The following TSGA10 variants were observed in gnomAD, a reference collection of about 807,000 sequenced individuals.
TSGA10 encodes testis-specific gene 10 protein.
TSGA10 carries 43 observed loss-of-function variants against 96.6 expected under a neutral mutation model. The observed-to-expected ratio is 0.44, with a 90% CI of 0.35 to 0.57. The LOEUF (loss-of-function observed/expected upper bound fraction) is 0.57, where lower values mean the gene tolerates loss of function less well. Among genes scored for constraint, TSGA10 ranks in the 20% least tolerant of loss-of-function variants. The probability of loss-of-function intolerance (pLI) is 0.01; values close to 1 mark genes in which losing one functional copy is unlikely to be tolerated. For missense variants in TSGA10, 703 were observed against 834.4 expected (o/e 0.84, Z 1.94); for synonymous variants, 229 against 269.9 (o/e 0.85, Z 1.48).
At chr2:99,024,190 A>T (rs927918925) in intron 17 of TSGA10, among the ~76,000 whole-genome samples, 1 of 152,046 alleles carries the variant, frequency 6.6e-6, no homozygotes. Context: ...CCCTGGTTCA[A>T]GCGATTCTCC....
At chr2:99,125,036 G>A (rs1250979297) in intron 2 of TSGA10, 1 of 152,044 alleles carries the variant, frequency 6.6e-6, no homozygotes, top group Non-Finnish European at 1.5e-5. Flanking sequence ...AAAATCCTGT[G>A]CTCCACCTAT....
intron 1 of TSGA10, among the ~76,000 whole-genome samples, chr2:99,140,544 C>G (rs1481097716): frequency 6.6e-6 from 1 of 151,818 alleles, no homozygotes; most frequent in East Asian, 1.9e-4. Context: ...TCCATGATCA[C>G]CTAGTTATCC....
intron 20 of TSGA10, among the ~76,000 whole-genome samples, chr2:99,007,982 A>G (rs1427478825): frequency 6.6e-6 from 1 of 152,256 alleles, no homozygotes; most frequent in Non-Finnish European, 1.5e-5. Context: ...TTTTAAATCA[A>G]TGATCTTGCA....
intron 16 of TSGA10, among the ~76,000 whole-genome samples, chr2:99,063,278 T>A (rs1222455081): frequency 3.9e-5 from 6 of 152,180 alleles, no homozygotes; most frequent in Non-Finnish European, 7.4e-5. Flanking sequence ...AACTTTTAAA[T>A]GAAAATATAG....
intron 20 of TSGA10, among the ~76,000 whole-genome samples, chr2:98,999,875 A>AG (rs1435428788): frequency 1.4e-4 from 21 of 152,276 alleles, no homozygotes; most frequent in African/African-American, 4.8e-4. Flanking sequence ...CAGCCTACCA[A>AG]GTAGCTAGAA....
chr2:99,103,328 T>G (rs771528091), intron 10 of TSGA10, among the ~76,000 whole-genome samples: 1 of 152,312 alleles, frequency 6.6e-6, no homozygotes, highest in East Asian at 1.9e-4. Context: ...AAATTCAACC[T>G]TACTGAATCT....
In TSGA10 at chr2:99,118,307, C is replaced by T. The variant is rs537414553; in HGVS notation, c.-356+244G>A. Among the ~76,000 whole-genome samples the T allele has an allele frequency of 1.4e-3, 209 of 151,614 alleles. 1 individual carries two copies. Among genetic ancestry groups the T allele is most frequent in the Admixed American group, 0.012 (190 of 15,210 alleles). On this transcript the variant is annotated intron_variant, in intron 3 of 20. Coordinates refer to ENST00000393483, the MANE Select transcript of TSGA10 (RefSeq NM_025244.4). ...CTCTACTAAAAATACAAAAATCAGC[C>T]GGGCATGGTGGCGAGTGCCCGTAGT...
rs930421836 is a variant in TSGA10 at position 99,145,746 on chromosome 2, G to T, written c.-621+8947C>A. Among the ~76,000 whole-genome samples, 4 of 152,202 alleles carry T rather than the reference G, an allele frequency of 2.6e-5. No homozygotes were observed. In the South Asian group the frequency reaches 8.3e-4, roughly 32 times the overall value. On this transcript the variant is annotated intron_variant, in intron 1 of 20. Coordinates refer to ENST00000393483, the MANE Select transcript of TSGA10 (RefSeq NM_025244.4). ...GAAGACTATTATTCTGCCTACCACA[G>T]CTGGGGACCAGATATGTAGATAATT...
At chr2:99,058,038 T>C (rs541188248) in intron 16 of TSGA10, among the ~76,000 whole-genome samples, 3 of 152,130 alleles carry the variant, frequency 2.0e-5, no homozygotes, top group South Asian at 2.1e-4. Flanking sequence ...GTTACTAAGA[T>C]AACTAGATGG....
At position 99,068,909 on chromosome 2, in the gene TSGA10, C is replaced by A; in HGVS notation, c.1197G>T (p.Leu399=). The part of the protein sequence containing the change: ...VQDTNLEVNK[L]KNILKSEESE... ...ATACTTCAGACTTTAATATATTCTT[C>A]AGCTTGTTAACCTCCAAATTAGTAT... Residue 399 remains leucine (L), a synonymous_variant, in exon 15 of 21, where the codon CTG becomes CTT. Coordinates refer to ENST00000393483, the MANE Select transcript of TSGA10 (RefSeq NM_025244.4). The A allele has an allele frequency of 6.9e-7, 1 of 1,450,782 alleles. No individual in the cohort carries two copies. The highest frequency in any genetic ancestry group is 9.1e-7 in the Non-Finnish European group (1 of 1,100,108). The allele number at this position is 1,450,782 out of a possible 1,614,324, so 89.9% of individuals were successfully genotyped here. A position where few individuals can be genotyped will look rare whatever the true frequency, so the allele number is the denominator to read the frequency against.
chr2:99,107,280 T>C (rs551499821), intron 7 of TSGA10, among the ~76,000 whole-genome samples: 3 of 152,188 alleles, frequency 2.0e-5, no homozygotes, highest in African/African-American at 7.2e-5. Context: ...ATATGTGCAC[T>C]AGTGTAACAG....
At chr2:99,023,247 G>A (rs186076656) in intron 17 of TSGA10, among the ~76,000 whole-genome samples, 1 of 152,166 alleles carries the variant, frequency 6.6e-6, no homozygotes, top group Non-Finnish European at 1.5e-5. Flanking sequence ...CGATCCTCCT[G>A]TCTAGGCCTC....
intron 20 of TSGA10, among the ~76,000 whole-genome samples, chr2:99,012,920 T>C (rs1355784886): frequency 2.0e-5 from 3 of 152,236 alleles, no homozygotes; most frequent in Non-Finnish European, 4.4e-5. Context: ...ATTGAACATA[T>C]GATAGGACAC....
chr2:99,104,045 T>A lies in TSGA10; in HGVS notation c.533A>T (p.Glu178Val). ...TGCCTTTCTTGCTAGTGATTTCATTTCTTTTTCCACAGTGCTTATGGTTTC... is the reference window on the plus strand; with the variant it reads ...TGCCTTTCTTGCTAGTGATTTCATTACTTTTTCCACAGTGCTTATGGTTTC... ...MKETISTVEK[E>V]MKSLARKAMD... The change falls in exon 10 of 21, where the codon GAA becomes GTA. Residue 178 changes from glutamate (E) to valine (V), a missense_variant. Physicochemically the swap from Glu to Val is moderately radical, Grantham distance 121. Coordinates refer to ENST00000393483, the MANE Select transcript of TSGA10 (RefSeq NM_025244.4). 1 of 1,614,140 alleles carries A rather than the reference T, an allele frequency of 6.2e-7. No individual in the cohort carries two copies. The highest frequency in any genetic ancestry group is 8.5e-7 in the Non-Finnish European group (1 of 1,180,006).
chr2:99,100,059 T>C (rs2090516305), intron 10 of TSGA10, among the ~76,000 whole-genome samples: 1 of 152,170 alleles, frequency 6.6e-6, no homozygotes. Context: ...ACAATGCTTA[T>C]GGTGGCCCAG....
intron 16 of TSGA10, among the ~76,000 whole-genome samples, chr2:99,037,762 A>G (rs1416505088): frequency 1.3e-5 from 2 of 152,176 alleles, no homozygotes; most frequent in African/African-American, 2.4e-5. Flanking sequence ...AGGCAGAAGA[A>G]TCATGTGAAT....
chr2:99,123,960 G>T (rs563836356), intron 2 of TSGA10, among the ~76,000 whole-genome samples: 2 of 152,164 alleles, frequency 1.3e-5, no homozygotes, highest in African/African-American at 2.4e-5. Flanking sequence ...GTATCTACTG[G>T]AGTCCGTGTT....
intron 20 of TSGA10, among the ~76,000 whole-genome samples, chr2:99,000,033 C>T (rs1417281767): frequency 9.2e-5 from 14 of 152,108 alleles, no homozygotes; most frequent in Admixed American, 7.2e-4. Flanking sequence ...TAGGATTACA[C>T]GTGTGAGCAA....
intron 4 of TSGA10, among the ~76,000 whole-genome samples, chr2:99,113,942 T>C (rs537363612): frequency 6.6e-6 from 1 of 152,322 alleles, no homozygotes; most frequent in South Asian, 2.1e-4. Context: ...GAGGTATCAA[T>C]ATTTGTTGTT....
Sources: allele counts gnomAD v4.1 joint callset (sites outside exome capture counted in the v4.1 genomes callset), GRCh38; gene constraint gnomAD v4.1.1; transcripts MANE v1.5; gene names NCBI Gene and HGNC (gene_info 2026-07-23, HGNC 2026-07-21).